The following DAB1 variants were observed in gnomAD, a reference collection of about 807,000 sequenced individuals.
The protein encoded by DAB1 is disabled homolog 1.
In DAB1, 15 loss-of-function variants were observed where a neutral mutation model predicts 64.6. That is an observed-to-expected ratio of 0.23 (90% CI 0.16 to 0.36). DAB1 has a LOEUF of 0.36. Among genes scored for constraint, DAB1 ranks in the 10% least tolerant of loss-of-function variants. The pLI is 1.00. For missense variants in DAB1, 596 were observed against 706.7 expected (o/e 0.84, Z 1.78); for synonymous variants, 235 against 251.9 (o/e 0.93, Z 0.64).
At chr1:58,190,736 G>C (rs903610023) in intron 4 of DAB1, among the ~76,000 whole-genome samples, 1 of 152,216 alleles carries the variant, frequency 6.6e-6, no homozygotes, top group African/African-American at 2.4e-5. Flanking sequence ...AATGAAAAGG[G>C]ACACTGCCAG....
chr1:58,385,815 A>T lies in DAB1; in HGVS notation n.258-42412T>A, dbSNP rs79282270. On this transcript the variant is annotated intron_variant and non_coding_transcript_variant, in intron 3 of 20. Transcript: ENST00000485760. ...AAAATGACAAGGGAGTCAAATGGAG[A>T]TCAAGGTACCAACATTATTGCTTGT... 6.1e-3 allele frequency among the ~76,000 whole-genome samples: 928 copies of T among 152,322 alleles called. 7 individuals are homozygous for T. Among genetic ancestry groups the T allele is most frequent in the Non-Finnish European group, 0.011 (722 of 68,034 alleles).
rs977028532 is a variant in DAB1, at chr1:58,230,492, C to T, written n.310-79904G>A. Among the ~76,000 whole-genome samples the T allele has an allele frequency of 2.1e-4, 32 of 152,090 alleles. 1 individual carries two copies. Among genetic ancestry groups the T allele is most frequent in the African/African-American group, 7.7e-4 (32 of 41,406 alleles). ...TGCCTTCCTTGTGCTTAGAAAAAAC[C>T]CACCTCTACAACAAAGCCCAAGTCC... On this transcript the variant is annotated intron_variant and non_coding_transcript_variant, in intron 4 of 20. Coordinates refer to the DAB1 transcript ENST00000485760.
At chr1:58,485,678 A>T (rs543605849) in intron 3 of DAB1, among the ~76,000 whole-genome samples, 5 of 151,926 alleles carry the variant, frequency 3.3e-5, no homozygotes, top group Non-Finnish European at 5.9e-5. Flanking sequence ...ATAAATTCTA[A>T]TCTATCTTAT....
intron 4 of DAB1, among the ~76,000 whole-genome samples, chr1:57,132,175 C>A (rs567857259): frequency 2.6e-5 from 4 of 152,192 alleles, no homozygotes; most frequent in Admixed American, 2.6e-4. Flanking sequence ...ACTCTGTTCA[C>A]ACTTGTATCT....
At chr1:57,618,970 G>C (rs1251958245) in intron 7 of DAB1, among the ~76,000 whole-genome samples, 1 of 152,164 alleles carries the variant, frequency 6.6e-6, no homozygotes, top group Admixed American at 6.5e-5. Flanking sequence ...AGATGCTAAT[G>C]ATAATATCTC....
intron 7 of DAB1, among the ~76,000 whole-genome samples, chr1:57,559,683 T>C (rs1645029469): frequency 6.6e-6 from 1 of 151,918 alleles, no homozygotes; most frequent in Non-Finnish European, 1.5e-5. Flanking sequence ...TGTAGTCATT[T>C]CTCCAGGGCC....
intron 1 of DAB1, among the ~76,000 whole-genome samples, chr1:57,297,894 A>G (rs1209243506): frequency 1.3e-5 from 2 of 152,134 alleles, no homozygotes; most frequent in African/African-American, 4.8e-5. Context: ...AACTCCCCAG[A>G]CTGCCAAACT....
intron 5 of DAB1, among the ~76,000 whole-genome samples, chr1:57,988,129 C>G (rs3558): frequency 6.6e-6 from 1 of 151,596 alleles, no homozygotes; most frequent in Admixed American, 6.6e-5. Flanking sequence ...GGAGGAGGTC[C>G]TGACCACATA....
intron 2 of DAB1, among the ~76,000 whole-genome samples, chr1:57,284,926 T>G (rs1280930361): frequency 1.3e-5 from 2 of 152,218 alleles, no homozygotes; most frequent in Non-Finnish European, 2.9e-5. Context: ...CTCGGTTTGA[T>G]GTGACTTCAA....
At position 57,093,830 on chromosome 1, in the gene DAB1, T is replaced by C. The variant is rs374867385; in HGVS notation, c.307-21416A>G. 1.1e-4 allele frequency among the ~76,000 whole-genome samples: 17 copies of C among 151,900 alleles called. No homozygotes were observed. In the East Asian group the frequency reaches 3.1e-3, roughly 28 times the overall value. ...GCTCAAGTGTTTAAGAGTCTTAGAG[T>C]TGGTTGGGTGCGGTGGCTCACACCT... On this transcript the variant is annotated intron_variant, in intron 4 of 14. Transcript: ENST00000371236.
At chr1:58,221,495 T>C (rs568979525) in intron 4 of DAB1, among the ~76,000 whole-genome samples, 57 of 152,308 alleles carry the variant, frequency 3.7e-4, no homozygotes, top group Non-Finnish European at 7.5e-4. Flanking sequence ...TTCATCACAC[T>C]GCCATAGCCT....
At chr1:57,696,107 G>T (rs552858581) in intron 6 of DAB1, among the ~76,000 whole-genome samples, 1 of 151,966 alleles carries the variant, frequency 6.6e-6, no homozygotes, top group African/African-American at 2.4e-5. Context: ...TTCTGTTCAC[G>T]TATTTCACAG....
intron 5 of DAB1, among the ~76,000 whole-genome samples, chr1:58,068,190 C>T (rs1356148753): frequency 1.3e-5 from 2 of 152,156 alleles, no homozygotes; most frequent in Non-Finnish European, 2.9e-5. Context: ...AGTATCCTGG[C>T]ACATAGAGGC....
intron 7 of DAB1, among the ~76,000 whole-genome samples, chr1:57,580,700 A>G (rs543507962): frequency 4.7e-4 from 71 of 152,342 alleles, no homozygotes; most frequent in African/African-American, 1.5e-3. Context: ...AATGATAATT[A>G]TAATAATTGC....
At chr1:58,126,728 G>A (rs891752836) in intron 5 of DAB1, among the ~76,000 whole-genome samples, 18 of 151,456 alleles carry the variant, frequency 1.2e-4, no homozygotes, top group South Asian at 4.2e-4. Flanking sequence ...TTGTTCTTGC[G>A]ATAGTTTACT....
At chr1:57,584,092 C>T (rs139562044) in intron 7 of DAB1, among the ~76,000 whole-genome samples, 169 of 152,302 alleles carry the variant, frequency 1.1e-3, no homozygotes, top group African/African-American at 3.9e-3. Flanking sequence ...ATAGCTGAGT[C>T]TTGGCCAGTC....
At chr1:57,925,542 A>G (rs1265389864) in intron 5 of DAB1, among the ~76,000 whole-genome samples, 1 of 152,208 alleles carries the variant, frequency 6.6e-6, no homozygotes, top group Non-Finnish European at 1.5e-5. Context: ...GCCACTGAAA[A>G]CAGAGCACAG....
intron 2 of DAB1, among the ~76,000 whole-genome samples, chr1:57,180,381 T>C (rs1662786553): frequency 6.6e-6 from 1 of 152,226 alleles, no homozygotes; most frequent in African/African-American, 2.4e-5. Flanking sequence ...AAATTTAAAA[T>C]GGCTGCACTC....
chr1:58,245,790 C>T (rs540402522), intron 4 of DAB1, among the ~76,000 whole-genome samples: 5 of 152,136 alleles, frequency 3.3e-5, no homozygotes, highest in Non-Finnish European at 7.4e-5. Context: ...AACTAGTATT[C>T]GTGTTCTACT....
Sources: gnomAD v4.1 joint callset for allele counts (sites outside exome capture counted in the v4.1 genomes callset) on GRCh38, gnomAD v4.1.1 for gene constraint, MANE v1.5 for transcripts, NCBI Gene and HGNC (gene_info 2026-07-23, HGNC 2026-07-21) for gene names.